ZMYND11: variants seen among roughly 807,000 people sequenced by gnomAD.
ZMYND11 encodes zinc finger MYND-type containing 11, also known as zinc finger MYND domain-containing protein 11.
In ZMYND11, 9 loss-of-function variants were observed where a neutral mutation model predicts 84.9. That is an observed-to-expected ratio of 0.11 (90% confidence interval 0.06 to 0.18). The LOEUF (loss-of-function observed/expected upper bound fraction) is 0.18, where lower values mean the gene tolerates loss of function less well. Among genes scored for constraint, ZMYND11 ranks in the 10% least tolerant of loss-of-function variants. The pLI is 1.00. For missense variants in ZMYND11, 409 were observed against 761.0 expected (o/e 0.54, Z 5.44); for synonymous variants, 250 against 244.1 (o/e 1.02, Z -0.23).
intron 4 of ZMYND11, 26 bp downstream of exon 4, chr10:221,382 C>T: frequency 6.2e-7 from 1 of 1,607,632 alleles, no homozygotes; most frequent in South Asian, 1.1e-5. Context: ...CTTTCCTGTG[C>T]TGGTTAGAGG....
At chr10:152,475 A>C (rs1187173115) in intron 1 of ZMYND11, among the ~76,000 whole-genome samples, 2 of 152,214 alleles carry the variant, frequency 1.3e-5, no homozygotes, top group Non-Finnish European at 2.9e-5. Context: ...AAGCCATTAC[A>C]TATTGGTAAA....
chr10:133,184 C>T (rs570717306), upstream of ZMYND11, among the ~76,000 whole-genome samples: 12 of 152,328 alleles, frequency 7.9e-5, no homozygotes, highest in African/African-American at 2.9e-4. Context: ...CGCTAACCAT[C>T]AGTAGCATTA....
At chr10:214,776 C>T (rs1684337568) in intron 3 of ZMYND11, among the ~76,000 whole-genome samples, 1 of 152,212 alleles carries the variant, frequency 6.6e-6, no homozygotes, top group African/African-American at 2.4e-5. Context: ...GCACTAAACC[C>T]TTATTTCTTC....
At chr10:206,151 C>T (rs751508985) in intron 2 of ZMYND11, among the ~76,000 whole-genome samples, 1 of 151,818 alleles carries the variant, frequency 6.6e-6, no homozygotes, top group Non-Finnish European at 1.5e-5. Context: ...CCTGAGGTCA[C>T]GACTTCAAGA....
chr10:249,743 A>T, intron 14 of ZMYND11: 2 of 985,422 alleles, frequency 2.0e-6, no homozygotes, highest in Non-Finnish European at 2.4e-6. Context: ...GAAAGCTCAT[A>T]ACTTGGTTTC....
At chr10:149,170 C>G (rs1369670292) in intron 1 of ZMYND11, among the ~76,000 whole-genome samples, 1 of 151,812 alleles carries the variant, frequency 6.6e-6, no homozygotes, top group Admixed American at 6.6e-5. Flanking sequence ...GAAACTTGCC[C>G]ACTCCAGTCT....
chr10:174,211 A>G (rs1479043330), intron 1 of ZMYND11, among the ~76,000 whole-genome samples: 1 of 152,234 alleles, frequency 6.6e-6, no homozygotes, highest in African/African-American at 2.4e-5. Flanking sequence ...AATGTTATTC[A>G]GTACTAAAAA....
chr10:150,519 C>A (rs1382078359), intron 1 of ZMYND11, among the ~76,000 whole-genome samples: 2 of 152,064 alleles, frequency 1.3e-5, no homozygotes, highest in African/African-American at 4.8e-5. Context: ...CTTTATTAGT[C>A]TTGCTAGCGG....
intron 1 of ZMYND11, among the ~76,000 whole-genome samples, chr10:151,859 C>G (rs189099829): frequency 3.5e-4 from 53 of 152,292 alleles, no homozygotes; most frequent in Admixed American, 1.6e-3. Flanking sequence ...AGACTAACAG[C>G]TGATCTCTTG....
chr10:162,233 T>C (rs555901161), intron 1 of ZMYND11, among the ~76,000 whole-genome samples: 1 of 152,356 alleles, frequency 6.6e-6, no homozygotes, highest in South Asian at 2.1e-4. Context: ...TTAAGTTCAC[T>C]ATCTTACATA....
At chr10:230,559 A>G (rs1273828655) in intron 4 of ZMYND11, among the ~76,000 whole-genome samples, 1 of 150,238 alleles carries the variant, frequency 6.7e-6, no homozygotes, top group East Asian at 2.0e-4. Context: ...TCAGGAATCT[A>G]CATTTCCAGT....
chr10:237,116 T>C (rs1197789480), intron 5 of ZMYND11, among the ~76,000 whole-genome samples: 1 of 152,240 alleles, frequency 6.6e-6, no homozygotes, highest in Non-Finnish European at 1.5e-5. Context: ...TTGTCTGTTT[T>C]GGACATAGAC....
At chr10:159,626 A>G (rs1160139470) in intron 1 of ZMYND11, among the ~76,000 whole-genome samples, 2 of 152,042 alleles carry the variant, frequency 1.3e-5, no homozygotes, top group African/African-American at 2.4e-5. Context: ...GGTTCTTTAC[A>G]TATTAGGGAT....
intron 1 of ZMYND11, among the ~76,000 whole-genome samples, chr10:166,238 TAGTTA>T (rs1223479220): frequency 5.9e-5 from 9 of 151,964 alleles, no homozygotes; most frequent in Non-Finnish European, 8.8e-5. Context: ...AAAGAAAAAA[TAGTTA>T]AGTTATATTT....
intron 6 of ZMYND11, among the ~76,000 whole-genome samples, chr10:239,020 CAG>C (rs1220603146): frequency 3.9e-5 from 6 of 152,182 alleles, no homozygotes; most frequent in Non-Finnish European, 7.4e-5. Context: ...TAAACTGTCA[CAG>C]AGGCTAACAG....
At position 252,515 on chromosome 10, in the gene ZMYND11, C is replaced by G; in HGVS notation, c.*45C>G. ...CACCCCGATGATTACTCTTTTCAGA[C>G]ACAGCGGTTTTTGTTTCCAAGAAGC... is the stretch of plus-strand genomic sequence containing the variant. On this transcript the variant is annotated 3_prime_UTR_variant, in exon 15 of 15. Coordinates refer to ENST00000381604, the MANE Select transcript of ZMYND11 (RefSeq NM_001370100.5). This position sits in a 1 kb window ranked among gnomAD's most constrained non-coding sequence, Gnocchi z 4.6. 1.3e-6 allele frequency: 2 copies of G among 1,558,420 alleles called. No individual in the cohort carries two copies. The highest frequency in any genetic ancestry group is 1.7e-6 in the Non-Finnish European group (2 of 1,153,314).
At chr10:203,467 A>T (rs1317049122) in intron 2 of ZMYND11, among the ~76,000 whole-genome samples, 2 of 152,206 alleles carry the variant, frequency 1.3e-5, no homozygotes, top group Non-Finnish European at 2.9e-5. Context: ...ATAAATGAGC[A>T]TATGTACCAA....
chr10:232,536 G>GT (rs1482130505), intron 4 of ZMYND11, among the ~76,000 whole-genome samples: 1 of 152,238 alleles, frequency 6.6e-6, no homozygotes, highest in Non-Finnish European at 1.5e-5. Context: ...TCCTCAGCCT[G>GT]TGAATCTGGG....
chr10:228,375 C>CT (rs1466792309), intron 4 of ZMYND11, among the ~76,000 whole-genome samples: 2 of 152,160 alleles, frequency 1.3e-5, no homozygotes, highest in Non-Finnish European at 2.9e-5. Flanking sequence ...TATTTTCACT[C>CT]TAAGGGATTG....
Sources: allele counts gnomAD v4.1 joint callset (sites outside exome capture counted in the v4.1 genomes callset), GRCh38; gene constraint gnomAD v4.1.1; non-coding constraint Gnocchi (gnomAD v3.1); transcripts MANE v1.5; gene names NCBI Gene and HGNC (gene_info 2026-07-23, HGNC 2026-07-21).